The following B3GALT1 variants were observed in gnomAD, a reference collection of about 807,000 sequenced individuals.
The protein encoded by B3GALT1 is beta-1,3-galactosyltransferase 1.
Under a neutral mutation model 23.2 loss-of-function variants are expected in B3GALT1, and 10 were observed. The ratio of observed to expected loss-of-function variants is 0.43; its 90% CI spans 0.27 to 0.73. The LOEUF (loss-of-function observed/expected upper bound fraction) is 0.73, where lower values mean the gene tolerates loss of function less well. Ranked by LOEUF, B3GALT1 falls within the 30% of genes least tolerant of loss-of-function variation. The probability of loss-of-function intolerance (pLI) is 0.21; values close to 1 mark genes in which losing one functional copy is unlikely to be tolerated. For synonymous variants in B3GALT1, 156 were observed against 141.5 expected, an observed-to-expected ratio of 1.10 and a Z score of -0.73; for missense variants, 299 against 405.4, an observed-to-expected ratio of 0.74 and a Z score of 2.25.
At chr2:167,353,595 A>G (rs750208802) in intron 1 of B3GALT1, among the ~76,000 whole-genome samples, 18 of 152,182 alleles carry the variant, frequency 1.2e-4, no homozygotes, top group Non-Finnish European at 2.4e-4. Flanking sequence ...CAGCTAACAG[A>G]GCAAGTACAA....
intron 1 of B3GALT1, among the ~76,000 whole-genome samples, chr2:167,482,787 C>T (rs1013819108): frequency 6.6e-6 from 1 of 151,982 alleles, no homozygotes; most frequent in Admixed American, 6.6e-5. Flanking sequence ...TTGCAGTGAG[C>T]TGAGATGGCG....
At chr2:167,729,463 A>G (rs1165424143) in intron 3 of B3GALT1, among the ~76,000 whole-genome samples, 1 of 152,196 alleles carries the variant, frequency 6.6e-6, no homozygotes, top group East Asian at 1.9e-4. Context: ...ACCAGCTCAG[A>G]GATTGAGTGT....
intron 1 of B3GALT1, among the ~76,000 whole-genome samples, chr2:167,418,254 T>C (rs1698497641): frequency 6.6e-6 from 1 of 152,160 alleles, no homozygotes; most frequent in African/African-American, 2.4e-5. Context: ...CAGAAATTTG[T>C]GAATTAACTC....
At chr2:167,453,833 C>G (rs1196073721) in intron 1 of B3GALT1, among the ~76,000 whole-genome samples, 1 of 152,324 alleles carries the variant, frequency 6.6e-6, no homozygotes, top group African/African-American at 2.4e-5. Flanking sequence ...TTGTGAAGTT[C>G]TGTCAGGCTC....
intron 2 of B3GALT1, among the ~76,000 whole-genome samples, chr2:167,596,270 A>C (rs1323620044): frequency 2.0e-5 from 3 of 152,174 alleles, no homozygotes; most frequent in Non-Finnish European, 4.4e-5. Context: ...GGAAGTACCT[A>C]AAGTGTGGTG....
intron 2 of B3GALT1, among the ~76,000 whole-genome samples, chr2:167,582,507 G>A (rs548400991): frequency 4.8e-4 from 73 of 152,310 alleles, no homozygotes; most frequent in Middle Eastern, 6.8e-3. Flanking sequence ...AAGTAAAGAC[G>A]TACTAAAGAT....
Position 167,666,769 on chromosome 2 carries a change from C to T in B3GALT1, c.-352+19803C>T, listed in dbSNP as rs986984128. On this transcript the variant is annotated intron_variant, in intron 3 of 4. Transcript: ENST00000392690. ...TCTGTTTTATCAGAGACTAGGTTTG[C>T]AACCCCTGCCTTTTTTTGCTTTCCA... 3.2e-4 allele frequency among the ~76,000 whole-genome samples: 48 copies of T among 152,248 alleles called. 1 individual carries two copies. The highest frequency in any genetic ancestry group is 5.6e-4 in the Non-Finnish European group (38 of 68,026).
At chr2:167,759,556 C>T (rs760516015) in intron 3 of B3GALT1, among the ~76,000 whole-genome samples, 13 of 152,082 alleles carry the variant, frequency 8.5e-5, no homozygotes, top group Non-Finnish European at 1.3e-4. Flanking sequence ...CCATAAAGTG[C>T]CATGGAAGGA....
chr2:167,447,639 A>G (rs115513119), intron 1 of B3GALT1, among the ~76,000 whole-genome samples: 2,646 of 152,172 alleles, frequency 0.017, 83 homozygotes, highest in African/African-American at 0.061. Context: ...GTGAACCTCC[A>G]TGGGTGTGGG....
intron 2 of B3GALT1, among the ~76,000 whole-genome samples, chr2:167,557,280 A>G (rs1683870954): frequency 6.6e-6 from 1 of 152,158 alleles, no homozygotes; most frequent in East Asian, 1.9e-4. Context: ...TGACCAACAA[A>G]GTGTTCTTTG....
intron 1 of B3GALT1, among the ~76,000 whole-genome samples, chr2:167,372,902 A>G (rs76716462): frequency 0.017 from 2,617 of 152,152 alleles, 81 homozygotes; most frequent in African/African-American, 0.06. Context: ...CTCTCCCCCA[A>G]ATTGATCCAC....
At chr2:167,387,389 G>A (rs1697944819) in intron 1 of B3GALT1, among the ~76,000 whole-genome samples, 1 of 152,138 alleles carries the variant, frequency 6.6e-6, no homozygotes, top group South Asian at 2.1e-4. Flanking sequence ...AATTGGATCT[G>A]GATAAGGCCC....
At chr2:167,844,729 G>A (rs1027367619) in intron 4 of B3GALT1, among the ~76,000 whole-genome samples, 5 of 152,210 alleles carry the variant, frequency 3.3e-5, no homozygotes, top group Non-Finnish European at 5.9e-5. Context: ...CAATTTGAAT[G>A]GGGCGAGAAG....
At chr2:167,827,039 C>T (rs1272765960) in intron 4 of B3GALT1, among the ~76,000 whole-genome samples, 17 of 152,164 alleles carry the variant, frequency 1.1e-4, no homozygotes, top group Admixed American at 9.2e-4. Context: ...CAAATGTCCT[C>T]GACACCAGAA....
At chr2:167,803,081 A>AACACACAC (rs71940853) in intron 3 of B3GALT1, among the ~76,000 whole-genome samples, 2,302 of 141,422 alleles carry the variant, frequency 0.016, 60 homozygotes, top group African/African-American at 0.046. Context: ...GACCCTAACA[A>AACACACAC]ACACACACAC....
At chr2:167,514,837 A>T (rs532859671) in intron 2 of B3GALT1, among the ~76,000 whole-genome samples, 1 of 152,324 alleles carries the variant, frequency 6.6e-6, no homozygotes, top group African/African-American at 2.4e-5. Flanking sequence ...AAAAGGTGAA[A>T]TGTAAAAATA....
chr2:167,718,228 G>T (rs569359838), intron 3 of B3GALT1, among the ~76,000 whole-genome samples: 1 of 151,922 alleles, frequency 6.6e-6, no homozygotes, highest in Admixed American at 6.5e-5. Context: ...TGCAAGAGTT[G>T]TGTTAAATGT....
At chr2:167,398,314 AAC>A (rs2105287404) in intron 1 of B3GALT1, among the ~76,000 whole-genome samples, 1 of 152,152 alleles carries the variant, frequency 6.6e-6, no homozygotes, top group East Asian at 1.9e-4. Flanking sequence ...GGTAATGAGA[AAC>A]AATATTTGAT....
chr2:167,342,758 G>C (rs115524695), intron 1 of B3GALT1, among the ~76,000 whole-genome samples: 1 of 151,414 alleles, frequency 6.6e-6, no homozygotes, highest in African/African-American at 2.4e-5. Context: ...TCCGATTTCC[G>C]TGTACATGGC....
Sources: allele counts gnomAD v4.1 joint callset (sites outside exome capture counted in the v4.1 genomes callset), GRCh38; gene constraint gnomAD v4.1.1; transcripts MANE v1.5; gene names NCBI Gene and HGNC (gene_info 2026-07-23, HGNC 2026-07-21).